The following HOXC4 variants were observed in gnomAD, a reference collection of about 807,000 sequenced individuals.
HOXC4 encodes homeobox protein Hox-C4.
In HOXC4, 15 loss-of-function variants were observed where a neutral mutation model predicts 25.5. The ratio of observed to expected loss-of-function variants is 0.59; its 90% CI spans 0.39 to 0.91. The LOEUF is 0.91. Among genes scored for constraint, HOXC4 ranks in the 40% least tolerant of loss-of-function variants. HOXC4 has a pLI of 0.00. For missense variants in HOXC4, 342 were observed against 352.4 expected (o/e 0.97, Z 0.24); for synonymous variants, 165 against 148.0 (o/e 1.11, Z -0.83).
At chr12:54,017,946 C>G (rs982420876) in intron 1 of HOXC4, among the ~76,000 whole-genome samples, 11 of 152,192 alleles carry the variant, frequency 7.2e-5, no homozygotes, top group Non-Finnish European at 1.3e-4. Flanking sequence ...AGAGCTCACA[C>G]ATGCGCAGTG....
chr12:54,038,145 G>A (rs1423828816), intron 1 of HOXC4: 1 of 152,218 alleles, frequency 6.6e-6, no homozygotes, highest in African/African-American at 2.4e-5. Context: ...TGGGGTGGGA[G>A]AAGAGAAGAA....
chr12:54,037,972 TGA>T (rs1941215697), intron 1 of HOXC4: 4 of 152,316 alleles, frequency 2.6e-5, no homozygotes, highest in South Asian at 2.1e-4. Context: ...GGGACGATGG[TGA>T]GAGAGGTTAC....
chr12:54,019,430 G>T (rs1050524359), intron 1 of HOXC4, among the ~76,000 whole-genome samples: 1 of 152,142 alleles, frequency 6.6e-6, no homozygotes, highest in Non-Finnish European at 1.5e-5. Context: ...AGTGCGGTGG[G>T]ACACAAGAGG....
At chr12:54,019,483 T>C (rs879300914) in intron 1 of HOXC4, among the ~76,000 whole-genome samples, 3 of 152,012 alleles carry the variant, frequency 2.0e-5, no homozygotes, top group Non-Finnish European at 2.9e-5. Flanking sequence ...CCTGGAGTAA[T>C]GTGGGAATCG....
intron 1 of HOXC4, chr12:54,022,258 TA>T (rs1940482646): frequency 6.6e-6 from 1 of 152,264 alleles, no homozygotes; most frequent in African/African-American, 2.4e-5. Context: ...GGTGGATTCA[TA>T]AAGCTAGATA....
chr12:54,030,782 T>C (rs1240657605), intron 1 of HOXC4: 1 of 152,426 alleles, frequency 6.6e-6, no homozygotes, highest in Non-Finnish European at 1.5e-5. Flanking sequence ...CTGGGTCCGT[T>C]CTCGAATATT....
intron 1 of HOXC4, chr12:54,020,852 G>A (rs1940402298): frequency 6.6e-6 from 1 of 152,244 alleles, no homozygotes; most frequent in South Asian, 2.1e-4. Context: ...TGCCCAAGCA[G>A]CTGGACTGGG....
At chr12:54,045,258 A>G (rs1437147550) in intron 1 of HOXC4, among the ~76,000 whole-genome samples, 1 of 152,228 alleles carries the variant, frequency 6.6e-6, no homozygotes, top group Non-Finnish European at 1.5e-5. Flanking sequence ...ATCAGGATGT[A>G]TGTTTTATAT....
chr12:54,019,568 G>T (rs1325045739), intron 1 of HOXC4, among the ~76,000 whole-genome samples: 1 of 152,112 alleles, frequency 6.6e-6, no homozygotes, highest in East Asian at 1.9e-4. Flanking sequence ...GGCCGCTGAT[G>T]GGGGGGAACA....
upstream of HOXC4, among the ~76,000 whole-genome samples, chr12:54,049,450 A>C (rs190676548): frequency 9.5e-4 from 145 of 152,336 alleles, no homozygotes; most frequent in Admixed American, 3.8e-3. Context: ...AGGCAAGAGA[A>C]ATCCATGAGA....
At chr12:54,028,283 C>A (rs903308740) in intron 1 of HOXC4, 1 of 316,808 alleles carries the variant, frequency 3.2e-6, no homozygotes, top group Non-Finnish European at 5.8e-6. Context: ...TAAAAGAAAT[C>A]CAAGTCTTAC....
chr12:54,035,781 A>G (rs1414109481), intron 1 of HOXC4, among the ~76,000 whole-genome samples: 1 of 152,062 alleles, frequency 6.6e-6, no homozygotes, highest in Non-Finnish European at 1.5e-5. Flanking sequence ...CTTGCTGGAC[A>G]TAGAGGGAGG....
intron 1 of HOXC4, chr12:54,034,444 G>A: frequency 6.2e-7 from 1 of 1,614,264 alleles, no homozygotes; most frequent in Non-Finnish European, 8.5e-7. Flanking sequence ...AGAACCGCAG[G>A]ATGAAGTGGA....
At chr12:54,039,845 C>T (rs902907224) in intron 1 of HOXC4, among the ~76,000 whole-genome samples, 2 of 152,096 alleles carry the variant, frequency 1.3e-5, no homozygotes, top group Non-Finnish European at 2.9e-5. Flanking sequence ...CTGACACCCG[C>T]CCTGACTCTC....
At position 54,053,941 on chromosome 12, in the gene HOXC4, T is replaced by C; in HGVS notation, c.19T>C (p.Leu7=). The part of the protein sequence containing the change: MIMSSY[L]MDSNYIDPKF... ...GAAATTAATGATCATGAGCTCGTATTTGATGGACTCTAACTACATCGATCC... is the reference window on the plus strand; with the variant it reads ...GAAATTAATGATCATGAGCTCGTATCTGATGGACTCTAACTACATCGATCC... Residue 7 remains leucine (L), a synonymous_variant, in exon 1 of 2, where the codon TTG becomes CTG. Transcript: ENST00000430889. 6.2e-7 allele frequency: 1 copy of C among 1,607,706 alleles called. No individual in the cohort carries two copies. The highest frequency in any genetic ancestry group is 2.2e-5 in the East Asian group (1 of 44,684).
upstream of HOXC4, among the ~76,000 whole-genome samples, chr12:54,052,570 G>GGGC (rs768749754): frequency 2.5e-4 from 9 of 36,488 alleles, no homozygotes; most frequent in African/African-American, 1.1e-3. Context: ...ACCCCTAGCT[G>GGGC]GGGGGGGGGG....
At chr12:54,033,025 T>C (rs1383288776) in intron 1 of HOXC4, 2 of 911,894 alleles carry the variant, frequency 2.2e-6, no homozygotes, top group African/African-American at 1.7e-5. Context: ...CACCTATAAA[T>C]TGTCCACTTT....
At chr12:54,037,215 G>T (rs1212391432) in intron 1 of HOXC4, among the ~76,000 whole-genome samples, 3 of 152,218 alleles carry the variant, frequency 2.0e-5, no homozygotes, top group Non-Finnish European at 4.4e-5. Flanking sequence ...TACGCTGAGG[G>T]TGCATAAGGC....
chr12:54,020,631 C>A (rs1940393663), intron 1 of HOXC4: 1 of 152,090 alleles, frequency 6.6e-6, no homozygotes, highest in African/African-American at 2.4e-5. Context: ...TGTATATTAC[C>A]ATGCCTATAT....
Sources: allele counts gnomAD v4.1 joint callset (sites outside exome capture counted in the v4.1 genomes callset), GRCh38; gene constraint gnomAD v4.1.1; transcripts MANE v1.5; gene names NCBI Gene and HGNC (gene_info 2026-07-23, HGNC 2026-07-21).